Variants in GALNTL6 observed in about 807,000 individuals in gnomAD.
The protein encoded by GALNTL6 is polypeptide N-acetylgalactosaminyltransferase like 6.
In GALNTL6, 46 loss-of-function variants were observed where a neutral mutation model predicts 73.7. That is an observed-to-expected ratio of 0.62 (90% CI 0.49 to 0.80). The LOEUF is 0.80. GALNTL6 is among the 30% of genes least tolerant of loss of function. The pLI, the probability that GALNTL6 is intolerant of heterozygous loss-of-function variation, is 0.00. For missense variants in GALNTL6, 604 were observed against 755.0 expected (o/e 0.80, Z 2.34); for synonymous variants, 259 against 263.7 (o/e 0.98, Z 0.17).
At chr4:172,234,966 T>A (rs1006295873) in intron 3 of GALNTL6, among the ~76,000 whole-genome samples, 7 of 152,284 alleles carry the variant, frequency 4.6e-5, no homozygotes, top group African/African-American at 1.7e-4. Context: ...TGGCTAACGT[T>A]TTATGTAGTT....
At chr4:173,037,755 T>C (rs1753752426) in intron 12 of GALNTL6, among the ~76,000 whole-genome samples, 1 of 152,054 alleles carries the variant, frequency 6.6e-6, no homozygotes, top group East Asian at 1.9e-4. Flanking sequence ...GCATTTTTTT[T>C]TTTTTGAGAC....
chr4:172,759,730 A>C (rs376420862), intron 5 of GALNTL6, among the ~76,000 whole-genome samples: 3 of 150,346 alleles, frequency 2.0e-5, no homozygotes, highest in African/African-American at 5.0e-5. Flanking sequence ...CTTTCTTAGG[A>C]TATTACACAG....
chr4:171,912,668 T>C (rs182582282), intron 2 of GALNTL6, among the ~76,000 whole-genome samples: 1 of 152,220 alleles, frequency 6.6e-6, no homozygotes, highest in East Asian at 1.9e-4. Flanking sequence ...CTGGTTCTTT[T>C]ACCTGGTCCC....
At chr4:172,893,484 G>A (rs1178164376) in intron 8 of GALNTL6, among the ~76,000 whole-genome samples, 1 of 152,180 alleles carries the variant, frequency 6.6e-6, no homozygotes, top group Non-Finnish European at 1.5e-5. Context: ...AGTGCTGGCT[G>A]TGCAGAAGGA....
intron 5 of GALNTL6, among the ~76,000 whole-genome samples, chr4:172,574,287 C>G (rs1434460643): frequency 6.6e-6 from 1 of 151,892 alleles, no homozygotes; most frequent in Non-Finnish European, 1.5e-5. Context: ...TAAATGTAGT[C>G]CTAGCTTCAA....
Position 172,189,658 on chromosome 4 carries a change from T to C in GALNTL6, c.139-39998T>C, listed in dbSNP as rs995578845. Among the ~76,000 whole-genome samples, 3 of 152,294 alleles carry C rather than the reference T, an allele frequency of 2.0e-5. No individual in the cohort carries two copies. In the East Asian group the frequency reaches 5.8e-4, roughly 29 times the overall value. On this transcript the variant is annotated intron_variant, in intron 2 of 12. Coordinates refer to ENST00000506823, the MANE Select transcript of GALNTL6 (RefSeq NM_001034845.3). ...CAGACATGAGCATATTATTTACACTTGAATAAACCTGCCCTTTTAAAATTG... is the reference window on the plus strand; with the variant it reads ...CAGACATGAGCATATTATTTACACTCGAATAAACCTGCCCTTTTAAAATTG...
chr4:172,540,815 T>C (rs1735525992), intron 5 of GALNTL6, among the ~76,000 whole-genome samples: 1 of 152,114 alleles, frequency 6.6e-6, no homozygotes, highest in Non-Finnish European at 1.5e-5. Context: ...GATAAAGGGA[T>C]TATGGGAGCC....
intron 5 of GALNTL6, among the ~76,000 whole-genome samples, chr4:172,743,361 C>T (rs1334449373): frequency 1.4e-5 from 2 of 147,726 alleles, no homozygotes; most frequent in East Asian, 3.9e-4. Flanking sequence ...AATATCATAT[C>T]CTAATATAGT....
chr4:172,917,231 T>C (rs1363658548), intron 8 of GALNTL6, among the ~76,000 whole-genome samples: 5 of 152,182 alleles, frequency 3.3e-5, no homozygotes. Flanking sequence ...TCCTTACACC[T>C]TATACAAATA....
intron 2 of GALNTL6, among the ~76,000 whole-genome samples, chr4:171,901,257 G>C (rs1737085033): frequency 1.3e-5 from 2 of 152,182 alleles, no homozygotes; most frequent in South Asian, 4.1e-4. Flanking sequence ...TTGGTGACAA[G>C]AGACTATAGA....
intron 4 of GALNTL6, among the ~76,000 whole-genome samples, chr4:172,339,257 C>CCACACACACACA (rs70941402): frequency 0.019 from 2,306 of 120,934 alleles, 57 homozygotes; most frequent in East Asian, 0.037. Flanking sequence ...CACACACACA[C>CCACACACACACA]CACACACACA....
intron 2 of GALNTL6, among the ~76,000 whole-genome samples, chr4:172,002,021 AG>A (rs1560879642): frequency 1.3e-5 from 2 of 152,118 alleles, no homozygotes; most frequent in African/African-American, 4.8e-5. Context: ...TCCCTATATA[AG>A]GCTTATGGTG....
chr4:171,983,402 G>C (rs763075739), intron 2 of GALNTL6, among the ~76,000 whole-genome samples: 35 of 152,250 alleles, frequency 2.3e-4, no homozygotes, highest in Non-Finnish European at 3.5e-4. Context: ...ACCTGACTGA[G>C]AACTTTTCTA....
intron 5 of GALNTL6, among the ~76,000 whole-genome samples, chr4:172,486,365 A>C (rs991471063): frequency 2.0e-5 from 3 of 152,320 alleles, no homozygotes; most frequent in Admixed American, 2.0e-4. Context: ...TAATTTATTA[A>C]GCTTCCTAGA....
At position 173,040,059 on chromosome 4, in the gene GALNTL6, ATGAC is replaced by A. The variant is rs1753843548; in HGVS notation, c.1768_1771del (p.Thr590PhefsTer2). 2 of 1,613,268 alleles carry A rather than the reference ATGAC, an allele frequency of 1.2e-6. No homozygotes were observed. The highest frequency in any genetic ancestry group is 2.2e-5 in the South Asian group (2 of 90,982). ...GCAGTGGATTTTTGAACACATTAAT[ATGAC>A]TGTTTTAGAAAAATTTAACCACCAT... On this transcript the variant is annotated frameshift_variant, in exon 13 of 13. Coordinates refer to ENST00000506823, the MANE Select transcript of GALNTL6 (RefSeq NM_001034845.3). LOFTEE classifies it high-confidence loss of function.
chr4:172,588,471 G>A (rs1165945798), intron 5 of GALNTL6, among the ~76,000 whole-genome samples: 2 of 150,528 alleles, frequency 1.3e-5, no homozygotes, highest in South Asian at 4.2e-4. Flanking sequence ...GCGTGTACCT[G>A]TTGCCCCAGC....
chr4:172,177,052 T>G (rs561202768), intron 2 of GALNTL6, among the ~76,000 whole-genome samples: 2 of 152,160 alleles, frequency 1.3e-5, no homozygotes, highest in African/African-American at 4.8e-5. Context: ...CACCCCAGGT[T>G]AGAATTCAGT....
intron 2 of GALNTL6, among the ~76,000 whole-genome samples, chr4:172,034,451 T>G (rs1198300884): frequency 1.4e-5 from 2 of 142,044 alleles, no homozygotes; most frequent in African/African-American, 5.3e-5. Context: ...TGTGTGTGTG[T>G]AGTTTGGGAA....
intron 2 of GALNTL6, among the ~76,000 whole-genome samples, chr4:172,042,864 TAAAAAAAAAAAAA>T (rs397996272): frequency 4.1e-4 from 18 of 44,400 alleles, no homozygotes; most frequent in Admixed American, 7.7e-4. Flanking sequence ...TCTTTAACAG[TAAAAAAAAAAAAA>T]AAAAAAAAAA....
Sources: gnomAD v4.1 joint callset for allele counts (sites outside exome capture counted in the v4.1 genomes callset) on GRCh38, gnomAD v4.1.1 for gene constraint, MANE v1.5 for transcripts, NCBI Gene and HGNC (gene_info 2026-07-23, HGNC 2026-07-21) for gene names.